Variants in PKP4 observed in about 807,000 individuals in gnomAD.
The protein encoded by PKP4 is plakophilin-4.
In PKP4, 90 loss-of-function variants were observed where a neutral mutation model predicts 145.1. The ratio of observed to expected loss-of-function variants is 0.62; its 90% CI spans 0.52 to 0.74. PKP4 has a LOEUF of 0.74. Among genes scored for constraint, PKP4 ranks in the 30% least tolerant of loss-of-function variants. The pLI is 0.00. For missense variants in PKP4, 1,340 were observed against 1,482.7 expected (o/e 0.90, Z 1.58); for synonymous variants, 563 against 577.2 (o/e 0.98, Z 0.35).
chr2:158,478,394 ATAG>A (rs1254729307), intron 1 of PKP4, among the ~76,000 whole-genome samples: 1 of 151,970 alleles, frequency 6.6e-6, no homozygotes, highest in East Asian at 1.9e-4. Flanking sequence ...GACTATGCCG[ATAG>A]TAGTGTTTTT....
intron 1 of PKP4, among the ~76,000 whole-genome samples, chr2:158,488,639 C>T (rs1694513984): frequency 6.6e-6 from 1 of 152,146 alleles, no homozygotes; most frequent in African/African-American, 2.4e-5. Flanking sequence ...GATCCCACCT[C>T]CTGGAATCCA....
chr2:158,617,819 A>T (rs901382519), intron 4 of PKP4, among the ~76,000 whole-genome samples: 3 of 152,250 alleles, frequency 2.0e-5, no homozygotes, highest in African/African-American at 7.2e-5. Context: ...ATAAATCAGA[A>T]TAGATTTCAG....
chr2:158,612,842 C>T (rs922643332), intron 4 of PKP4, among the ~76,000 whole-genome samples: 2 of 152,058 alleles, frequency 1.3e-5, no homozygotes, highest in African/African-American at 4.8e-5. Context: ...CTAATTAACT[C>T]GTTCTCATGG....
At chr2:158,513,237 C>T (rs1366571907) in intron 1 of PKP4, among the ~76,000 whole-genome samples, 1 of 152,124 alleles carries the variant, frequency 6.6e-6, no homozygotes. Flanking sequence ...TTTACGTCCA[C>T]CCATTTCCGG....
At chr2:158,669,641 C>T (rs2106002391) in intron 16 of PKP4, 79 bp from the exon 17 acceptor site, 1 of 1,144,260 alleles carries the variant, frequency 8.7e-7, no homozygotes, top group Non-Finnish European at 1.2e-6. Flanking sequence ...TAAGAGATTG[C>T]ATGCCACCAG....
intron 2 of PKP4, among the ~76,000 whole-genome samples, chr2:158,536,384 C>T (rs2044045161): frequency 6.6e-6 from 1 of 152,114 alleles, no homozygotes; most frequent in African/African-American, 2.4e-5. Context: ...TAAGGAATTG[C>T]AAAGTAGTAT....
intron 2 of PKP4, among the ~76,000 whole-genome samples, chr2:158,550,566 T>C (rs576866068): frequency 1.3e-5 from 2 of 152,310 alleles, no homozygotes; most frequent in African/African-American, 4.8e-5. Context: ...GTCCTGCTGT[T>C]TGGCTGCACT....
At chr2:158,620,369 T>A (rs561217307) in intron 4 of PKP4, among the ~76,000 whole-genome samples, 1 of 152,044 alleles carries the variant, frequency 6.6e-6, no homozygotes, top group Non-Finnish European at 1.5e-5. Flanking sequence ...TTAAAGCAGA[T>A]AATGGAAGAG....
chr2:158,463,193 C>T (rs1304380274), intron 1 of PKP4, among the ~76,000 whole-genome samples: 1 of 152,070 alleles, frequency 6.6e-6, no homozygotes, highest in Non-Finnish European at 1.5e-5. Flanking sequence ...GTAGGCAATA[C>T]TTAGAGAGGC....
Position 158,526,163 on chromosome 2 carries a change from C to T in PKP4, c.-5-7017C>T, listed in dbSNP as rs1438721350. Among the ~76,000 whole-genome samples, 239 of 138,176 alleles carry T rather than the reference C, an allele frequency of 1.7e-3. 1 individual carries two copies. Among genetic ancestry groups the T allele is most frequent in the African/African-American group, 5.5e-4 (20 of 36,576 alleles). 90.6% of individuals were successfully genotyped at this position (138,176 alleles called of 152,430 possible). On this transcript the variant is annotated intron_variant, in intron 1 of 21. Transcript: ENST00000389759. ...GCCAGCATCATTCTGATACCAAAGC[C>T]GGGCAGAGACACAACCAAAAAAGAG...
At chr2:158,625,775 G>A (rs1378835605) in intron 7 of PKP4, among the ~76,000 whole-genome samples, 1 of 151,766 alleles carries the variant, frequency 6.6e-6, no homozygotes, top group Non-Finnish European at 1.5e-5. Context: ...TTACCAGCCA[G>A]GCCTACCCCT....
At chr2:158,588,275 C>G (rs723094) in intron 3 of PKP4, 106,675 of 151,996 alleles carry the variant, frequency 0.7, 39,058 homozygotes, top group Non-Finnish European at 0.8. Context: ...GTTGCCACCC[C>G]CTTGAGCAGT....
chr2:158,677,412 AATATTTTT>A (rs1424915540), intron 20 of PKP4: 1 of 184,066 alleles, frequency 5.4e-6, no homozygotes, highest in Non-Finnish European at 1.2e-5. Context: ...ACATAGTGTT[AATATTTTT>A]ATATCCTATT....
At chr2:158,611,076 G>A (rs958112682) in intron 4 of PKP4, among the ~76,000 whole-genome samples, 1 of 152,198 alleles carries the variant, frequency 6.6e-6, no homozygotes, top group African/African-American at 2.4e-5. Flanking sequence ...TTTTCTGGTT[G>A]ACTCAGAAGG....
intron 1 of PKP4, among the ~76,000 whole-genome samples, chr2:158,506,290 G>A (rs2040969291): frequency 6.6e-6 from 1 of 152,206 alleles, no homozygotes; most frequent in Non-Finnish European, 1.5e-5. Context: ...TTGAGGAGAT[G>A]AAGAAGGCCT....
At chr2:158,487,711 A>G (rs1354241992) in intron 1 of PKP4, among the ~76,000 whole-genome samples, 4 of 151,278 alleles carry the variant, frequency 2.6e-5, no homozygotes, top group South Asian at 2.1e-4. Context: ...GAGTAAGGAC[A>G]TTGTACTGGA....
chr2:158,528,359 C>A (rs1332645757), intron 1 of PKP4, among the ~76,000 whole-genome samples: 2 of 125,448 alleles, frequency 1.6e-5, no homozygotes, highest in African/African-American at 2.8e-5. Flanking sequence ...AAATTGGAAA[C>A]CTTCATTCTC....
intron 7 of PKP4, among the ~76,000 whole-genome samples, chr2:158,628,977 A>G (rs919856008): frequency 6.6e-6 from 1 of 152,174 alleles, no homozygotes; most frequent in Non-Finnish European, 1.5e-5. Flanking sequence ...TGATAAGATT[A>G]TCGAGGACTA....
intron 1 of PKP4, among the ~76,000 whole-genome samples, chr2:158,492,093 C>A (rs892773715): frequency 1.3e-5 from 2 of 152,032 alleles, no homozygotes; most frequent in African/African-American, 4.8e-5. Context: ...ACAGGCTTGA[C>A]CCACTGCACC....
Sources: gnomAD v4.1 joint callset for allele counts (sites outside exome capture counted in the v4.1 genomes callset) on GRCh38, gnomAD v4.1.1 for gene constraint, MANE v1.5 for transcripts, NCBI Gene and HGNC (gene_info 2026-07-23, HGNC 2026-07-21) for gene names.